The following ZNF670 variants were observed in gnomAD, a reference collection of about 807,000 sequenced individuals.
The protein encoded by ZNF670 is zinc finger protein 670.
ZNF670 carries 7 observed loss-of-function variants against 10.9 expected under a neutral mutation model. The ratio of observed to expected loss-of-function variants is 0.64; its 90% CI spans 0.36 to 1.20. The LOEUF (loss-of-function observed/expected upper bound fraction) is 1.20, where lower values mean the gene tolerates loss of function less well. Ranked by LOEUF, ZNF670 falls within the 50% of genes most tolerant of loss-of-function variation. The pLI is 0.02. For synonymous variants in ZNF670, 136 were observed against 152.7 expected (o/e 0.89, Z 0.81); for missense variants, 446 against 458.6 (o/e 0.97, Z 0.25).
chr1:247,049,590 G>C (rs1037344617), intron 1 of ZNF670, among the ~76,000 whole-genome samples: 1 of 152,086 alleles, frequency 6.6e-6, no homozygotes, highest in Non-Finnish European at 1.5e-5. Flanking sequence ...TGTTCCTCTA[G>C]TTCTTTCAGG....
chr1:247,067,867 G>A (rs1428306448), intron 1 of ZNF670, among the ~76,000 whole-genome samples: 33 of 75,480 alleles, frequency 4.4e-4, no homozygotes, highest in South Asian at 2.2e-3. Context: ...AAAAAAAAAA[G>A]CTCCAGCACA....
rs1670127957 is a variant in ZNF670, at chr1:247,035,483, T to C, written c.*1966A>G. Among the ~76,000 whole-genome samples the C allele has an allele frequency of 6.6e-6, 1 of 152,200 alleles. No individual in the cohort carries two copies. ...GGTTTGTTTAAATGCATCTGTGGAA[T>C]GGTAGGCAACTGAAATATGTTAGGC... On this transcript the variant is annotated 3_prime_UTR_variant, in exon 4 of 4. Coordinates refer to ENST00000366503, the MANE Select transcript of ZNF670 (RefSeq NM_033213.5).
Position 247,039,060 on chromosome 1 carries a change from C to T in ZNF670, c.131-190G>A, listed in dbSNP as rs868295628. Among the ~76,000 whole-genome samples, 830 of 125,612 alleles carry T rather than the reference C, an allele frequency of 6.6e-3. 7 individuals carry two copies. The highest frequency in any genetic ancestry group is 9.0e-3 in the Admixed American group (109 of 12,076). The allele number at this position is 125,612 out of a possible 152,430, so 82.4% of individuals were successfully genotyped here. A position where few individuals can be genotyped will look rare whatever the true frequency, so the allele number is the denominator to read the frequency against. ...TTCTTCTTTTCTTTTTTCTTTCTTT[C>T]TTTTTTTTTTTTTTTTGAGACAGAT... On this transcript the variant is annotated intron_variant, in intron 2 of 3. Transcript: ENST00000366503.
rs1558348458 is a variant in ZNF670 at position 247,072,835 on chromosome 1, T to TACACACAC, written c.3+5758_3+5759insGTGTGTGT. On this transcript the variant is annotated intron_variant, in intron 1 of 3. Coordinates refer to ENST00000366503, the MANE Select transcript of ZNF670 (RefSeq NM_033213.5). ...ATATATATATATATATATATATATA[T>TACACACAC]ATATGCATACACACACATACACACA... Among the ~76,000 whole-genome samples, 176 of 100,622 alleles carry TACACACAC rather than the reference T, an allele frequency of 1.7e-3. 11 individuals carry two copies. The highest frequency in any genetic ancestry group is 4.3e-3 in the African/African-American group (90 of 20,922). The allele number at this position is 100,622 out of a possible 152,430, so 66.0% of individuals were successfully genotyped here. A position where few individuals can be genotyped will look rare whatever the true frequency, so the allele number is the denominator to read the frequency against.
Position 247,037,880 on chromosome 1 carries a change from G to C in ZNF670, c.739C>G (p.His247Asp). 1 of 1,613,984 alleles carries C rather than the reference G, an allele frequency of 6.2e-7. No individual in the cohort carries two copies. Among genetic ancestry groups the C allele is most frequent in the East Asian group, 2.2e-5 (1 of 44,868 alleles). ...SSSLRQHERS[H>D]TGEKPYECKE... ...CATTCATAGGGTTTCTCTCCAGTATGAGATCTTTCATGTTGGCGAAGAGAA... is the reference window on the plus strand; with the variant it reads ...CATTCATAGGGTTTCTCTCCAGTATCAGATCTTTCATGTTGGCGAAGAGAA... Residue 247 changes from histidine (H) to aspartate (D), a missense_variant, in exon 4 of 4, where the codon CAT becomes GAT. Transcript: ENST00000366503.
At chr1:247,078,212 G>A (rs1458742147) in intron 1 of ZNF670, among the ~76,000 whole-genome samples, 2 of 152,180 alleles carry the variant, frequency 1.3e-5, no homozygotes, top group Non-Finnish European at 2.9e-5. Context: ...TTTTAACGGC[G>A]CCTCAGTTTT....
rs1216671631 is a variant in ZNF670, at chr1:247,072,829, T to TACAC, written c.3+5764_3+5765insGTGT. On this transcript the variant is annotated intron_variant, in intron 1 of 3. Coordinates refer to ENST00000366503, the MANE Select transcript of ZNF670 (RefSeq NM_033213.5). Reference sequence around the variant, plus strand: ...GTATATATATATATATATATATATATATATATATATGCATACACACACATA... The same window carrying TACAC: ...GTATATATATATATATATATATATATACACATATATATATGCATACACACACATA... Among the ~76,000 whole-genome samples the TACAC allele has an allele frequency of 8.1e-3, 766 of 94,010 alleles. 14 individuals are homozygous for TACAC. The highest frequency in any genetic ancestry group is 0.013 in the Middle Eastern group (3 of 232). The allele number at this position is 94,010 out of a possible 152,430, so 61.7% of individuals were successfully genotyped here.
At chr1:247,073,516 ACCCTATTTATC>A (rs2103073810) in intron 1 of ZNF670, among the ~76,000 whole-genome samples, 1 of 152,152 alleles carries the variant, frequency 6.6e-6, no homozygotes, top group Non-Finnish European at 1.5e-5. Flanking sequence ...AGCTCCACAC[ACCCTATTTATC>A]CCCTGCTCAC....
chr1:247,042,794 A>G (rs1160222481), intron 1 of ZNF670: 2 of 481,368 alleles, frequency 4.2e-6, no homozygotes, highest in African/African-American at 3.9e-5. Flanking sequence ...GAGTTCCATG[A>G]AAATGTCTGA....
rs1310412362 is a variant in ZNF670 at position 247,037,864 on chromosome 1, G to A, written c.755C>T (p.Pro252Leu). The change falls in exon 4 of 4, where the codon CCC becomes CTC. Residue 252 changes from proline to leucine, a missense_variant. Transcript: ENST00000366503. ...QHERSHTGEK[P>L]YECKECGKAF... ...TTTGCCACATTCCTTACATTCATAG[G>A]GTTTCTCTCCAGTATGAGATCTTTC... 1 of 1,613,662 alleles carries A rather than the reference G, an allele frequency of 6.2e-7. No homozygotes were observed. The highest frequency in any genetic ancestry group is 8.5e-7 in the Non-Finnish European group (1 of 1,179,898).
intron 1 of ZNF670, among the ~76,000 whole-genome samples, chr1:247,047,721 A>C (rs1391905167): frequency 6.6e-6 from 1 of 151,828 alleles, no homozygotes; most frequent in South Asian, 2.1e-4. Context: ...CTTAATTCTT[A>C]AAGTTTTCTG....
chr1:247,072,218 A>G (rs1259908870), intron 1 of ZNF670, among the ~76,000 whole-genome samples: 1 of 151,390 alleles, frequency 6.6e-6, no homozygotes, highest in East Asian at 2.0e-4. Flanking sequence ...TGGTGCAATT[A>G]CAGCTCACTG....
intron 1 of ZNF670, among the ~76,000 whole-genome samples, chr1:247,066,408 A>G (rs1670981156): frequency 6.6e-6 from 1 of 152,168 alleles, no homozygotes; most frequent in Non-Finnish European, 1.5e-5. Context: ...TTGAGCTGGA[A>G]AAGAGAACTG....
At chr1:247,067,263 C>T (rs1671003315) in intron 1 of ZNF670, among the ~76,000 whole-genome samples, 2 of 151,442 alleles carry the variant, frequency 1.3e-5, no homozygotes, top group Non-Finnish European at 1.5e-5. Flanking sequence ...TGGTGAAACC[C>T]CATCTCTACT....
chr1:247,072,318 G>GT (rs542453281), intron 1 of ZNF670, among the ~76,000 whole-genome samples: 13,693 of 138,260 alleles, frequency 0.099, 719 homozygotes, highest in South Asian at 0.2. Context: ...GCCTGGTTTT[G>GT]TTTTTTTTTT....
chr1:247,078,569 C>G, intron 1 of ZNF670, 25 bp downstream of exon 1: 1 of 1,613,814 alleles, frequency 6.2e-7, no homozygotes, highest in South Asian at 1.1e-5. Context: ...TTCCCCTTCC[C>G]GAGACACCTG....
Position 247,037,693 on chromosome 1 carries a change from T to C in ZNF670, c.926A>G (p.Tyr309Cys), listed in dbSNP as rs1288357249. 3.7e-6 allele frequency: 6 copies of C among 1,613,924 alleles called. No individual in the cohort carries two copies. The highest frequency in any genetic ancestry group is 4.2e-6 in the Non-Finnish European group (5 of 1,179,988). ...HERTHSGEKP[Y>C]ECKQCGKAFK... ...GGCTTTACCACATTGTTTACATTCA[T>C]AGGGCTTTTCTCCACTGTGAGTCCT... The change falls in exon 4 of 4, where the codon TAT (tyrosine) becomes TGT (cysteine). Residue 309 changes from tyrosine (Y) to cysteine (C), a missense_variant. Physicochemically the swap from Tyr to Cys is radical, Grantham distance 194. Coordinates refer to ENST00000366503, the MANE Select transcript of ZNF670 (RefSeq NM_033213.5).
chr1:247,049,098 CTTTT>C (rs772486522), intron 1 of ZNF670, among the ~76,000 whole-genome samples: 1 of 124,550 alleles, frequency 8.0e-6, no homozygotes. Flanking sequence ...TGTTTCATTT[CTTTT>C]TTTTTTTTTT....
rs1040123642 is a variant in ZNF670, at chr1:247,041,965, A to G, written c.4-2428T>C. Reference sequence around the variant, plus strand: ...AATCACAACAGTGGTCAACTAAGAGATAAGTCTAGGTGGGAACCATCAGAA... The same window carrying G: ...AATCACAACAGTGGTCAACTAAGAGGTAAGTCTAGGTGGGAACCATCAGAA... On this transcript the variant is annotated intron_variant, in intron 1 of 3. Transcript: ENST00000366503. Among the ~76,000 whole-genome samples the G allele has an allele frequency of 4.6e-5, 7 of 152,354 alleles. No individual in the cohort carries two copies. In the South Asian group the frequency reaches 1.2e-3, roughly 27 times the overall value.
Sources: allele counts gnomAD v4.1 joint callset (sites outside exome capture counted in the v4.1 genomes callset), GRCh38; gene constraint gnomAD v4.1.1; transcripts MANE v1.5; gene names NCBI Gene and HGNC (gene_info 2026-07-23, HGNC 2026-07-21).